The following KCNAB1 variants were observed in gnomAD, a reference collection of about 807,000 sequenced individuals.
KCNAB1 encodes the protein voltage-gated potassium channel subunit beta-1.
KCNAB1 carries 35 observed loss-of-function variants against 64.6 expected under a neutral mutation model. The ratio of observed to expected loss-of-function variants is 0.54; its 90% CI spans 0.41 to 0.72. The LOEUF (loss-of-function observed/expected upper bound fraction) is 0.72, where lower values mean the gene tolerates loss of function less well. Ranked by LOEUF, KCNAB1 falls within the 30% of genes least tolerant of loss-of-function variation. The pLI is 0.00. For synonymous variants in KCNAB1, 177 were observed against 183.8 expected (o/e 0.96, Z 0.30); for missense variants, 401 against 512.9 (o/e 0.78, Z 2.11).
chr3:156,183,400 C>A (rs1440451054), intron 1 of KCNAB1, among the ~76,000 whole-genome samples: 3 of 152,174 alleles, frequency 2.0e-5, no homozygotes, highest in African/African-American at 7.2e-5. Context: ...GACCCAGGAT[C>A]CCTGTTGGGA....
rs183067133 is a variant in KCNAB1, at chr3:156,351,136, G to A, written c.276-70480G>A. 3.4e-3 allele frequency among the ~76,000 whole-genome samples: 519 copies of A among 152,368 alleles called. 1 individual carries two copies. Among genetic ancestry groups the A allele is most frequent in the Non-Finnish European group, 5.8e-3 (397 of 68,042 alleles). ...GAAAGATATCATAAGAAAGACTGCT[G>A]ACTTTTTCAAGTAATCTCAGAGCAA... is the stretch of plus-strand genomic sequence containing the variant. On this transcript the variant is annotated intron_variant, in intron 1 of 13. Coordinates refer to ENST00000490337, the MANE Select transcript of KCNAB1 (RefSeq NM_172160.3).
chr3:156,381,374 G>T lies in KCNAB1; in HGVS notation c.276-40242G>T, dbSNP rs533417057. Among the ~76,000 whole-genome samples, 5 of 152,292 alleles carry T rather than the reference G, an allele frequency of 3.3e-5. No individual in the cohort carries two copies. In the South Asian group the frequency reaches 1.0e-3, roughly 32 times the overall value. ...GAGTCCCAGTAGAGGATACTGAGGG[G>T]ATTCTGGTGATAATGAGGAGATTAG... On this transcript the variant is annotated intron_variant, in intron 1 of 13. Coordinates refer to ENST00000490337, the MANE Select transcript of KCNAB1 (RefSeq NM_172160.3).
intron 1 of KCNAB1, among the ~76,000 whole-genome samples, chr3:156,136,699 T>C (rs777349854): frequency 6.6e-6 from 1 of 152,256 alleles, no homozygotes. Flanking sequence ...CTGCCACGTT[T>C]TGAGGTATTT....
At chr3:156,467,992 C>A (rs766415309) in intron 7 of KCNAB1, among the ~76,000 whole-genome samples, 9 of 152,024 alleles carry the variant, frequency 5.9e-5, no homozygotes, top group African/African-American at 1.2e-4. Flanking sequence ...CTTTTGATTT[C>A]TTTGTCTTGG....
chr3:156,265,042 C>G (rs930917702), intron 1 of KCNAB1, among the ~76,000 whole-genome samples: 2 of 152,086 alleles, frequency 1.3e-5, no homozygotes, highest in African/African-American at 4.8e-5. Flanking sequence ...AGTCACATGC[C>G]TGTAATCTTC....
In KCNAB1 at chr3:156,144,119, C is replaced by T. The variant is rs546925395; in HGVS notation, c.275+23233C>T. ...TCTTTCCTATTCAGAGCAATTATTG[C>T]TCCTGCACAAGTGCTTCCTTTACGT... is the stretch of plus-strand genomic sequence containing the variant. On this transcript the variant is annotated intron_variant, in intron 1 of 13. Coordinates refer to ENST00000490337, the MANE Select transcript of KCNAB1 (RefSeq NM_172160.3). Among the ~76,000 whole-genome samples the T allele has an allele frequency of 1.1e-3, 164 of 152,252 alleles. 1 individual carries two copies. The highest frequency in any genetic ancestry group is 3.8e-3 in the African/African-American group (159 of 41,554).
At chr3:156,227,698 C>T (rs1156556984) in intron 1 of KCNAB1, 1 of 152,220 alleles carries the variant, frequency 6.6e-6, no homozygotes, top group Non-Finnish European at 1.5e-5. Flanking sequence ...CCAAATGATT[C>T]TCCTCTTCAT....
rs536852029 is a variant in KCNAB1, at chr3:156,485,842, C to T, written c.658+11022C>T. Among the ~76,000 whole-genome samples, 11 of 152,136 alleles carry T rather than the reference C, an allele frequency of 7.2e-5. No individual in the cohort carries two copies. In the East Asian group the frequency reaches 1.4e-3, roughly 19 times the overall value. Reference sequence around the variant, plus strand: ...TTCCCCCTTACAAGTGAGAACATGACGTATTTGATTTTCTGATTCTATTTC... The same window carrying T: ...TTCCCCCTTACAAGTGAGAACATGATGTATTTGATTTTCTGATTCTATTTC... On this transcript the variant is annotated intron_variant, in intron 8 of 13. Coordinates refer to ENST00000490337, the MANE Select transcript of KCNAB1 (RefSeq NM_172160.3).
chr3:156,199,208 C>A (rs1194738777), intron 1 of KCNAB1, among the ~76,000 whole-genome samples: 1 of 152,088 alleles, frequency 6.6e-6, no homozygotes, highest in East Asian at 1.9e-4. Flanking sequence ...GATGGGCTTC[C>A]CTTTGTAGGT....
intron 1 of KCNAB1, among the ~76,000 whole-genome samples, chr3:156,147,146 C>T (rs1715085083): frequency 6.6e-6 from 1 of 152,118 alleles, no homozygotes; most frequent in African/African-American, 2.4e-5. Context: ...AAGAGTTAGA[C>T]CTGGATTTGG....
At chr3:156,272,130 C>T (rs1719072836) in intron 1 of KCNAB1, among the ~76,000 whole-genome samples, 1 of 152,378 alleles carries the variant, frequency 6.6e-6, no homozygotes, top group East Asian at 1.9e-4. Flanking sequence ...GCTACCACCA[C>T]TGGGATTGTA....
intron 8 of KCNAB1, among the ~76,000 whole-genome samples, chr3:156,506,905 C>T (rs1290609016): frequency 6.6e-6 from 1 of 152,226 alleles, no homozygotes; most frequent in Admixed American, 6.5e-5. Context: ...AAAGAAAGCT[C>T]ATATTTCCCA....
At chr3:156,159,489 A>T (rs891692923) in intron 1 of KCNAB1, among the ~76,000 whole-genome samples, 7 of 152,220 alleles carry the variant, frequency 4.6e-5, no homozygotes, top group Non-Finnish European at 1.5e-5. Flanking sequence ...TAAGGCGGTT[A>T]GCCTCCCCTT....
rs1441603224 is a variant in KCNAB1 at position 156,159,268 on chromosome 3, C to T, written c.275+38382C>T. On this transcript the variant is annotated intron_variant, in intron 1 of 13. Transcript: ENST00000490337. ...TCTTAGCTCTCTTCTTGCTCTAAAACTCTGACTTCTTAGGGGTAGGGGAAT... is the reference window on the plus strand; with the variant it reads ...TCTTAGCTCTCTTCTTGCTCTAAAATTCTGACTTCTTAGGGGTAGGGGAAT... Among the ~76,000 whole-genome samples, 3 of 152,156 alleles carry T rather than the reference C, an allele frequency of 2.0e-5. No individual in the cohort carries two copies. In the East Asian group the frequency reaches 5.8e-4, roughly 29 times the overall value.
At chr3:156,538,666 C>G (rs1719243455), downstream of KCNAB1, 1 of 152,208 alleles carries the variant, frequency 6.6e-6, no homozygotes. Flanking sequence ...ATATGTAAAA[C>G]ATACACATGT....
intron 1 of KCNAB1, among the ~76,000 whole-genome samples, chr3:156,124,202 A>G (rs1299821859): frequency 6.7e-6 from 1 of 149,814 alleles, no homozygotes; most frequent in East Asian, 2.0e-4. Flanking sequence ...TTTTCTTAGG[A>G]TCTATTTCTT....
intron 1 of KCNAB1, among the ~76,000 whole-genome samples, chr3:156,288,133 G>A (rs1412636929): frequency 1.3e-5 from 2 of 152,256 alleles, no homozygotes; most frequent in Admixed American, 6.5e-5. Flanking sequence ...ATAGACAGTC[G>A]TCTTCTCCTG....
chr3:156,534,290 G>A (rs1259247996), intron 13 of KCNAB1, among the ~76,000 whole-genome samples: 2 of 152,150 alleles, frequency 1.3e-5, no homozygotes, highest in African/African-American at 2.4e-5. Context: ...GGGATGCCAC[G>A]TGCCTAAGAT....
At chr3:156,450,074 G>T (rs1007452762) in intron 2 of KCNAB1, among the ~76,000 whole-genome samples, 2 of 152,330 alleles carry the variant, frequency 1.3e-5, no homozygotes, top group African/African-American at 4.8e-5. Flanking sequence ...CCAATTAGTG[G>T]TATTAATTAC....
Sources: allele counts gnomAD v4.1 joint callset (sites outside exome capture counted in the v4.1 genomes callset), GRCh38; gene constraint gnomAD v4.1.1; transcripts MANE v1.5; gene names NCBI Gene and HGNC (gene_info 2026-07-23, HGNC 2026-07-21).